Variants in GRID2 observed in about 807,000 individuals in gnomAD.
GRID2 encodes glutamate ionotropic receptor delta type subunit 2, also known as glutamate receptor ionotropic, delta-2.
Under a neutral mutation model 114.8 loss-of-function variants are expected in GRID2, and 33 were observed. The observed-to-expected ratio is 0.29, with a 90% CI of 0.22 to 0.38. The LOEUF is 0.38. Among genes scored for constraint, GRID2 ranks in the 10% least tolerant of loss-of-function variants. The pLI is 1.00. For missense variants in GRID2, 1,184 were observed against 1,257.7 expected, an observed-to-expected ratio of 0.94 and a Z score of 0.89; for synonymous variants, 505 against 449.9, an observed-to-expected ratio of 1.12 and a Z score of -1.55.
chr4:93,415,874 G>A (rs999711177), intron 9 of GRID2, among the ~76,000 whole-genome samples: 2 of 151,988 alleles, frequency 1.3e-5, no homozygotes, highest in Middle Eastern at 3.4e-3. Flanking sequence ...TAATATAGAA[G>A]ATGTAAGGAT....
At chr4:93,590,236 G>A (rs1276775488) in intron 13 of GRID2, among the ~76,000 whole-genome samples, 1 of 150,520 alleles carries the variant, frequency 6.6e-6, no homozygotes, top group East Asian at 1.9e-4. Flanking sequence ...TTTGTATAAG[G>A]CGTAAGGAAG....
At chr4:93,606,291 G>A (rs983470424) in intron 13 of GRID2, among the ~76,000 whole-genome samples, 3 of 151,936 alleles carry the variant, frequency 2.0e-5, no homozygotes, top group South Asian at 2.1e-4. Context: ...ATAAAAAAAT[G>A]TAGAACTGAG....
At chr4:93,087,451 G>T (rs1730430950) in intron 3 of GRID2, among the ~76,000 whole-genome samples, 1 of 151,976 alleles carries the variant, frequency 6.6e-6, no homozygotes, top group African/African-American at 2.4e-5. Context: ...TTATAGTCAG[G>T]TAATTTGTAT....
intron 2 of GRID2, among the ~76,000 whole-genome samples, chr4:92,992,720 A>G (rs948639490): frequency 3.3e-5 from 5 of 152,206 alleles, no homozygotes; most frequent in Admixed American, 1.3e-4. Flanking sequence ...TCCAGTGAGC[A>G]ATAAATGCTT....
At chr4:92,774,169 C>T (rs947503952) in intron 2 of GRID2, among the ~76,000 whole-genome samples, 3 of 152,058 alleles carry the variant, frequency 2.0e-5, no homozygotes, top group African/African-American at 7.2e-5. Flanking sequence ...TAAGACCTCA[C>T]TTTAAGCTCA....
At chr4:92,361,409 T>A (rs1259179681) in intron 1 of GRID2, among the ~76,000 whole-genome samples, 2 of 152,050 alleles carry the variant, frequency 1.3e-5, no homozygotes, top group East Asian at 3.9e-4. Context: ...AGAAAAAAAA[T>A]TGTGTATGTA....
At chr4:92,439,003 C>T (rs886383629) in intron 1 of GRID2, among the ~76,000 whole-genome samples, 2 of 152,148 alleles carry the variant, frequency 1.3e-5, no homozygotes, top group East Asian at 1.9e-4. Flanking sequence ...GTGTGAGCAA[C>T]ATGGCTGTTT....
At chr4:93,091,754 T>C (rs1186346381) in intron 3 of GRID2, among the ~76,000 whole-genome samples, 2 of 152,152 alleles carry the variant, frequency 1.3e-5, no homozygotes, top group Non-Finnish European at 2.9e-5. Context: ...GAACAAGCTG[T>C]GTCCTCACAA....
At chr4:93,131,553 G>T (rs1206064237) in intron 4 of GRID2, among the ~76,000 whole-genome samples, 1 of 151,112 alleles carries the variant, frequency 6.6e-6, no homozygotes, top group Non-Finnish European at 1.5e-5. Context: ...TTGTAATATT[G>T]TTGTTTTCAT....
intron 4 of GRID2, among the ~76,000 whole-genome samples, chr4:93,128,951 C>G (rs1472201380): frequency 6.6e-6 from 1 of 152,138 alleles, no homozygotes; most frequent in Non-Finnish European, 1.5e-5. Flanking sequence ...TTATCCATTC[C>G]CTATTCTACC....
chr4:93,571,181 A>T (rs774449881), intron 13 of GRID2, among the ~76,000 whole-genome samples: 1 of 152,092 alleles, frequency 6.6e-6, no homozygotes, highest in Non-Finnish European at 1.5e-5. Context: ...CAAATAGAGA[A>T]GGAATGTTTT....
chr4:92,637,802 C>T (rs1259695035), intron 2 of GRID2, among the ~76,000 whole-genome samples: 2 of 151,944 alleles, frequency 1.3e-5, no homozygotes, highest in Non-Finnish European at 2.9e-5. Flanking sequence ...GATGCTAGTT[C>T]AGACTTTTTT....
chr4:93,468,988 C>T (rs900452704), intron 11 of GRID2, among the ~76,000 whole-genome samples: 6 of 152,076 alleles, frequency 3.9e-5, no homozygotes, highest in Admixed American at 3.3e-4. Context: ...TTTTAAAAAA[C>T]TTTAACTCCA....
At chr4:92,387,024 A>G (rs1279994548) in intron 1 of GRID2, among the ~76,000 whole-genome samples, 1 of 151,952 alleles carries the variant, frequency 6.6e-6, no homozygotes, top group East Asian at 1.9e-4. Context: ...AACCTAACAG[A>G]AAAGACGTTT....
At chr4:92,683,681 T>A (rs1733761754) in intron 2 of GRID2, among the ~76,000 whole-genome samples, 1 of 150,822 alleles carries the variant, frequency 6.6e-6, no homozygotes, top group Non-Finnish European at 1.5e-5. Flanking sequence ...ATTAAAAAAA[T>A]ACATCAAAGC....
chr4:93,500,693 G>A (rs1407462031), intron 12 of GRID2, among the ~76,000 whole-genome samples: 1 of 152,086 alleles, frequency 6.6e-6, no homozygotes, highest in African/African-American at 2.4e-5. Flanking sequence ...GCATAAATAA[G>A]GTCTTGGAAG....
At chr4:93,665,082 C>A (rs1225847835) in intron 14 of GRID2, among the ~76,000 whole-genome samples, 3 of 152,092 alleles carry the variant, frequency 2.0e-5, no homozygotes, top group African/African-American at 7.2e-5. Context: ...AGGGGATCCC[C>A]ATTGCATACC....
intron 14 of GRID2, among the ~76,000 whole-genome samples, chr4:93,684,850 G>A (rs1253924931): frequency 2.0e-5 from 3 of 151,838 alleles, no homozygotes; most frequent in East Asian, 1.9e-4. Context: ...GTGAAGACTC[G>A]GGACCATGAC....
chr4:93,724,482 A>C (rs1242105556), intron 14 of GRID2, among the ~76,000 whole-genome samples: 1 of 152,216 alleles, frequency 6.6e-6, no homozygotes, highest in Non-Finnish European at 1.5e-5. Context: ...TTTTTAAAAA[A>C]TATGCAGCTA....
Sources: allele counts gnomAD v4.1 joint callset (sites outside exome capture counted in the v4.1 genomes callset), GRCh38; gene constraint gnomAD v4.1.1; transcripts MANE v1.5; gene names NCBI Gene and HGNC (gene_info 2026-07-23, HGNC 2026-07-21).